The following PSMG2 variants were observed in gnomAD, a reference collection of about 807,000 sequenced individuals.
The protein encoded by PSMG2 is proteasome assembly chaperone 2, also known as CD40 ligand-activated specific transcript 3.
In PSMG2, 21 loss-of-function variants were observed where a neutral mutation model predicts 31.5. The ratio of observed to expected loss-of-function variants is 0.67; its 90% CI spans 0.47 to 0.96. The LOEUF (loss-of-function observed/expected upper bound fraction) is 0.96. Ranked by LOEUF, PSMG2 falls within the 40% of genes least tolerant of loss-of-function variation. The pLI is 0.00. For synonymous variants in PSMG2, 120 were observed against 110.4 expected, an observed-to-expected ratio of 1.09 and a Z score of -0.54; for missense variants, 318 against 321.2, an observed-to-expected ratio of 0.99 and a Z score of 0.08.
At chr18:12,665,553 C>T (rs1199222518) in intron 1 of PSMG2, among the ~76,000 whole-genome samples, 3 of 152,162 alleles carry the variant, frequency 2.0e-5, no homozygotes, top group African/African-American at 7.2e-5. Flanking sequence ...GTGTAACCCT[C>T]GCTCCTACTC....
At chr18:12,660,385 G>A (rs118142007) in intron 1 of PSMG2, among the ~76,000 whole-genome samples, 2,237 of 150,438 alleles carry the variant, frequency 0.015, 23 homozygotes, top group South Asian at 0.061. Flanking sequence ...TCAGTGCCGC[G>A]ATTTCAGCTC....
At chr18:12,699,186 G>A (rs765568214), upstream of PSMG2, 7 of 1,612,036 alleles carry the variant, frequency 4.3e-6, no homozygotes, top group African/African-American at 1.3e-5. Context: ...AGATACCTCC[G>A]TGTTGGATCA....
chr18:12,691,140 A>G (rs1037144379), intron 1 of PSMG2: 3 of 390,950 alleles, frequency 7.7e-6, no homozygotes, highest in Non-Finnish European at 1.3e-5. Context: ...TGATTTTTCA[A>G]AAACCCACAA....
intron 5 of PSMG2, 63 bp downstream of exon 5, chr18:12,720,746 G>A (rs1177879350): frequency 1.3e-6 from 2 of 1,497,054 alleles, no homozygotes; most frequent in East Asian, 4.6e-5. Context: ...AATGCAGTGA[G>A]CTGAGATCGT....
intron 1 of PSMG2, chr18:12,686,819 T>C (rs2039557349): frequency 6.2e-6 from 1 of 161,590 alleles, no homozygotes; most frequent in Non-Finnish European, 1.4e-5. Context: ...ATATAGAATT[T>C]AACAACATAT....
intron 1 of PSMG2, chr18:12,673,238 C>A: frequency 7.0e-7 from 1 of 1,423,652 alleles, no homozygotes; most frequent in Non-Finnish European, 9.2e-7. Context: ...CAAGTATATA[C>A]AAAATTGAAG....
At chr18:12,680,868 T>A in intron 1 of PSMG2, 4 of 1,546,990 alleles carry the variant, frequency 2.6e-6, no homozygotes, top group Middle Eastern at 3.4e-4. Flanking sequence ...TTCTTCCATA[T>A]TATTTCCTCA....
chr18:12,662,192 A>G, intron 1 of PSMG2: 2 of 277,128 alleles, frequency 7.2e-6, no homozygotes, highest in Admixed American at 4.4e-5. Context: ...ACCAGAAAGG[A>G]AAAAAAAAAA....
chr18:12,724,278 T>TGAG (rs2040455283), intron 5 of PSMG2: 1 of 436,676 alleles, frequency 2.3e-6, no homozygotes, highest in Non-Finnish European at 4.0e-6. Flanking sequence ...AGCCATGGGG[T>TGAG]GAGGCATGAT....
chr18:12,715,070 G>A (rs1286560431), intron 3 of PSMG2, among the ~76,000 whole-genome samples: 1 of 151,756 alleles, frequency 6.6e-6, no homozygotes, highest in Non-Finnish European at 1.5e-5. Context: ...GTTCAGTGGT[G>A]CAATCTCAGC....
intron 1 of PSMG2, chr18:12,684,270 A>G (rs2145035968): frequency 6.6e-6 from 1 of 151,746 alleles, no homozygotes; most frequent in East Asian, 1.9e-4. Context: ...CACCTGGCCC[A>G]TGCCTGGGTA....
intron 1 of PSMG2, among the ~76,000 whole-genome samples, chr18:12,669,462 G>A (rs1308017473): frequency 6.6e-6 from 1 of 151,918 alleles, no homozygotes; most frequent in African/African-American, 2.4e-5. Flanking sequence ...TGACCAGGCT[G>A]TGCTCAAATT....
chr18:12,689,015 G>A (rs1416318813), intron 1 of PSMG2, among the ~76,000 whole-genome samples: 1 of 152,174 alleles, frequency 6.6e-6, no homozygotes, highest in Non-Finnish European at 1.5e-5. Flanking sequence ...TTGGGAGGCT[G>A]AGGCAGGAGA....
chr18:12,686,612 C>A, intron 1 of PSMG2: 1 of 516,672 alleles, frequency 1.9e-6, no homozygotes, highest in East Asian at 3.4e-5. Flanking sequence ...TATAATTTCC[C>A]TTAATCCTCA....
chr18:12,695,320 T>A, intron 1 of PSMG2: 1 of 1,564,752 alleles, frequency 6.4e-7, no homozygotes, highest in Non-Finnish European at 8.8e-7. Context: ...GTTTTATATT[T>A]AAAATTCCCA....
At chr18:12,715,662 C>T (rs1205487159) in intron 3 of PSMG2, among the ~76,000 whole-genome samples, 1 of 152,144 alleles carries the variant, frequency 6.6e-6, no homozygotes, top group East Asian at 1.9e-4. Context: ...CCCGCCACCA[C>T]GCCTGGCTAC....
At chr18:12,675,937 G>A (rs972715083) in intron 1 of PSMG2, among the ~76,000 whole-genome samples, 2 of 152,174 alleles carry the variant, frequency 1.3e-5, no homozygotes, top group East Asian at 3.9e-4. Flanking sequence ...CCAAAGTGCT[G>A]GGATTACAGG....
chr18:12,693,591 T>C (rs2145081393), intron 1 of PSMG2, among the ~76,000 whole-genome samples: 1 of 152,226 alleles, frequency 6.6e-6, no homozygotes, highest in African/African-American at 2.4e-5. Context: ...GAGACCATCC[T>C]GGCCAACATG....
chr18:12,703,100 C>A lies in PSMG2; in HGVS notation c.-8C>A. 2.5e-6 allele frequency: 4 copies of A among 1,612,236 alleles called. No homozygotes were observed. Among genetic ancestry groups the A allele is most frequent in the Non-Finnish European group, 3.4e-6 (4 of 1,179,482 alleles). ...CGGTTAGTCCCTGCTGGCCACCCCACTGCGACCATGTTCGTTCCCTGCGGG... is the reference window on the plus strand; with the variant it reads ...CGGTTAGTCCCTGCTGGCCACCCCAATGCGACCATGTTCGTTCCCTGCGGG... On this transcript the variant is annotated 5_prime_UTR_variant, in exon 1 of 7. It adds an upstream start codon to the 5' untranslated region. Transcript: ENST00000317615.
Sources: allele counts gnomAD v4.1 joint callset (sites outside exome capture counted in the v4.1 genomes callset), GRCh38; gene constraint gnomAD v4.1.1; transcripts MANE v1.5; gene names NCBI Gene and HGNC (gene_info 2026-07-23, HGNC 2026-07-21).